FNDC1: variants seen among roughly 807,000 people sequenced by gnomAD.
FNDC1 encodes the protein fibronectin type III domain-containing protein 1.
A neutral mutation model predicts 168.0 loss-of-function variants in FNDC1; 96 were observed. That is an observed-to-expected ratio of 0.57 (90% confidence interval 0.48 to 0.68). FNDC1 has a LOEUF of 0.68. Ranked by LOEUF, FNDC1 falls within the 30% of genes least tolerant of loss-of-function variation. FNDC1 has a pLI of 0.00. For synonymous variants in FNDC1, 1,099 were observed against 1,025.9 expected (o/e 1.07, Z -1.36); for missense variants, 2,587 against 2,482.1 (o/e 1.04, Z -0.90).
In FNDC1 at chr6:159,232,556, C is replaced by G. The variant is rs1440002539; in HGVS notation, c.2044C>G (p.Arg682Gly). 1.2e-6 allele frequency: 2 copies of G among 1,611,782 alleles called. No individual in the cohort carries two copies. The highest frequency in any genetic ancestry group is 1.7e-6 in the Non-Finnish European group (2 of 1,179,000). ...PSRQSPSSVL[R>G]DRSSVHPGAK... ...CCGCCAGTCCCCGTCCAGCGTTCTC[C>G]GCGACAGAAGCTCTGTGCACCCCGG... Residue 682 changes from arginine (R) to glycine (G), a missense_variant, in exon 11 of 23, where the codon CGC becomes GGC. By Grantham distance (125) the Arg-to-Gly change is moderately radical (BLOSUM62 -2). Coordinates refer to ENST00000297267, the MANE Select transcript of FNDC1 (RefSeq NM_032532.3). The surrounding 1 kb of genome is among the most constrained non-coding windows in gnomAD (Gnocchi z 4.9).
At chr6:159,269,486 C>CCA (rs1777683828) in intron 22 of FNDC1, among the ~76,000 whole-genome samples, 1 of 142,668 alleles carries the variant, frequency 7.0e-6, no homozygotes. Context: ...ATCTATCTAT[C>CCA]TATCTATCTA....
At chr6:159,265,927 AAAAC>A (rs896951393) in intron 20 of FNDC1, among the ~76,000 whole-genome samples, 153 bp from the exon 21 acceptor site, 12 of 135,762 alleles carry the variant, frequency 8.8e-5, no homozygotes, top group Admixed American at 5.7e-4. Flanking sequence ...GACTCCATCA[AAAAC>A]AAACAAACAA....
chr6:159,235,485 G>A lies in FNDC1; in HGVS notation c.3968-730G>A, dbSNP rs551322334. On this transcript the variant is annotated intron_variant, in intron 11 of 22. Transcript: ENST00000297267. ...CTCAACGTTCCCTTGTATATAGCAG[G>A]AACTCCATAAATATTTAATAAATAA... Among the ~76,000 whole-genome samples, 43 of 152,190 alleles carry A rather than the reference G, an allele frequency of 2.8e-4. No individual in the cohort carries two copies. The South Asian group carries it at 8.9e-3, about 32-fold the overall frequency.
At chr6:159,227,102 C>T (rs1415213559) in intron 9 of FNDC1, among the ~76,000 whole-genome samples, 2 of 152,100 alleles carry the variant, frequency 1.3e-5, no homozygotes, top group African/African-American at 4.8e-5. Context: ...GCAAAAAAAC[C>T]TAGATATTTT....
intron 15 of FNDC1, among the ~76,000 whole-genome samples, chr6:159,248,548 C>T (rs1414687092): frequency 6.6e-6 from 1 of 152,142 alleles, no homozygotes; most frequent in Non-Finnish European, 1.5e-5. Flanking sequence ...TTGTGATCCG[C>T]CTGCCTCGGC....
rs1359511949 is a variant in FNDC1 at position 159,221,650 on chromosome 6, G to A, written c.720G>A (p.Arg240=). 6.2e-7 allele frequency: 1 copy of A among 1,613,896 alleles called. No individual in the cohort carries two copies. The highest frequency in any genetic ancestry group is 1.3e-5 in the African/African-American group (1 of 74,922). ...TGCAGTCCATGAACTCTCAGGGCCG[G>A]AGCCAACCAGTCTACAGGGCTGCCC... ...VSLQSMNSQG[R]SQPVYRAALT... Residue 240 remains arginine, a synonymous_variant, in exon 6 of 23, where the codon CGG becomes CGA. Transcript: ENST00000297267.
rs755673291 is a variant in FNDC1, at chr6:159,233,223, G to C, written c.2711G>C (p.Arg904Pro). 2.5e-6 allele frequency: 4 copies of C among 1,613,530 alleles called. No homozygotes were observed. The highest frequency in any genetic ancestry group is 3.3e-5 in the Admixed American group (2 of 59,964). ...TCCTCCTCCAGGCAGCCCATCTCCCGGGGCTGGGAGGACTTAAGGAGAAGC... is the reference window on the plus strand; with the variant it reads ...TCCTCCTCCAGGCAGCCCATCTCCCCGGGCTGGGAGGACTTAAGGAGAAGC... ...VPSSSRQPIS[R>P]GWEDLRRSPQ... The change falls in exon 11 of 23, where the codon CGG becomes CCG. Residue 904 changes from arginine (R) to proline (P), a missense_variant. Coordinates refer to ENST00000297267, the MANE Select transcript of FNDC1 (RefSeq NM_032532.3). This position sits in a 1 kb window ranked among gnomAD's most constrained non-coding sequence, Gnocchi z 4.6.
chr6:159,265,690 G>A (rs1286176836), intron 20 of FNDC1, among the ~76,000 whole-genome samples: 1 of 152,168 alleles, frequency 6.6e-6, no homozygotes, highest in Non-Finnish European at 1.5e-5. Flanking sequence ...AGCACTTTGG[G>A]AGGCCAAGGT....
At chr6:159,231,846 C>T in intron 10 of FNDC1, 36 bp from the exon 11 acceptor site, 1 of 1,539,760 alleles carries the variant, frequency 6.5e-7, no homozygotes, top group Non-Finnish European at 8.7e-7. Context: ...TTTTGAGTTT[C>T]TTCTTTGACA....
rs533142013 is a variant in FNDC1 at position 159,239,821 on chromosome 6, G to A, written c.4485G>A (p.Thr1495=). 1.8e-4 allele frequency: 277 copies of A among 1,546,206 alleles called. 1 individual carries two copies. The East Asian group carries it at 4.8e-3, about 27-fold the overall frequency. ...RRPTTTVRTT[T]RTTTTTTPTP... ...CAACAACCACAGTCCGAACCACTACGCGGACAACCACCACCACCACCCCCA... is the reference window on the plus strand; with the variant it reads ...CAACAACCACAGTCCGAACCACTACACGGACAACCACCACCACCACCCCCA... The change falls in exon 14 of 23, where the codon ACG becomes ACA. Residue 1495 remains threonine (T), a synonymous_variant. Transcript: ENST00000297267.
chr6:159,268,852 C>CTATA (rs1777648464), intron 22 of FNDC1, among the ~76,000 whole-genome samples: 3 of 78,244 alleles, frequency 3.8e-5, no homozygotes, highest in African/African-American at 1.1e-4. Context: ...ATCTATCTAT[C>CTATA]TATCTATCTA....
At chr6:159,246,296 A>C (rs1215977277) in intron 14 of FNDC1, among the ~76,000 whole-genome samples, 1 of 152,196 alleles carries the variant, frequency 6.6e-6, no homozygotes, top group Admixed American at 6.5e-5. Flanking sequence ...ACTCAGTAGG[A>C]AGTGGAGAAG....
intron 17 of FNDC1, 25 bp downstream of exon 17, chr6:159,251,557 T>C: frequency 6.3e-7 from 1 of 1,593,404 alleles, no homozygotes. Context: ...GAAATCAGAG[T>C]TCCCATGATC....
At chr6:159,264,301 G>T (rs568291467) in intron 19 of FNDC1, among the ~76,000 whole-genome samples, 3 of 152,290 alleles carry the variant, frequency 2.0e-5, no homozygotes, top group Admixed American at 6.5e-5. Context: ...AGATTAGTTT[G>T]CACTTTCTAG....
At chr6:159,218,085 T>C (rs1215498554) in intron 5 of FNDC1, among the ~76,000 whole-genome samples, 1 of 152,218 alleles carries the variant, frequency 6.6e-6, no homozygotes, top group African/African-American at 2.4e-5. Flanking sequence ...GAGCTTTGTT[T>C]CAACGGACAG....
Position 159,229,953 on chromosome 6 carries a change from G to A in FNDC1, c.1319G>A (p.Arg440Lys). 6.2e-7 allele frequency: 1 copy of A among 1,613,948 alleles called. No individual in the cohort carries two copies. The highest frequency in any genetic ancestry group is 1.7e-5 in the Admixed American group (1 of 60,006). Residue 440 changes from arginine (R) to lysine (K), a missense_variant, in exon 10 of 23, where the codon AGG becomes AAG. Physicochemically the swap from Arg to Lys is conservative, Grantham distance 26. Coordinates refer to ENST00000297267, the MANE Select transcript of FNDC1 (RefSeq NM_032532.3). ...CTTTTCAAAATCCGGGCCACAAACAGGAGAGGCCTGGGACCTCACTCCAAA... is the reference window on the plus strand; with the variant it reads ...CTTTTCAAAATCCGGGCCACAAACAAGAGAGGCCTGGGACCTCACTCCAAA... ...RYLFKIRATN[R>K]RGLGPHSKAF... is the part of the protein sequence containing the mutation.
At chr6:159,247,442 G>A (rs1583908872) in intron 15 of FNDC1, among the ~76,000 whole-genome samples, 1 of 152,052 alleles carries the variant, frequency 6.6e-6, no homozygotes, top group Non-Finnish European at 1.5e-5. Context: ...CTTTTCAAGG[G>A]TAGGTTTGTA....
chr6:159,261,260 A>G lies in FNDC1; in HGVS notation c.5245A>G (p.Thr1749Ala). 6.2e-7 allele frequency: 1 copy of G among 1,611,446 alleles called. No individual in the cohort carries two copies. Among genetic ancestry groups the G allele is most frequent in the East Asian group, 2.2e-5 (1 of 44,858 alleles). ...TATCAGCCCTTCGGTCTCATTTGTC[A>G]CCGAATCAGGTATGAATGACTTCAC... is the stretch of plus-strand genomic sequence containing the variant. ...GPISPSVSFV[T>A]ESDNPLLVVR... The change falls in exon 19 of 23, where the codon ACC (threonine) becomes GCC (alanine). Residue 1749 changes from threonine to alanine, a missense_variant. Thr to Ala is a moderately conservative substitution (Grantham distance 58). Transcript: ENST00000297267.
At chr6:159,222,984 ATTTTTTTTTTTTTTTTTTT>A (rs201310702) in intron 6 of FNDC1, among the ~76,000 whole-genome samples, 57,594 of 118,356 alleles carry the variant, frequency 0.49, 14,241 homozygotes, top group East Asian at 0.75. Flanking sequence ...TGAAATACTC[ATTTTTTTTTTTTTTTTTTT>A]TTTTTTTTTG....
Sources: gnomAD v4.1 joint callset for allele counts (sites outside exome capture counted in the v4.1 genomes callset) on GRCh38, gnomAD v4.1.1 for gene constraint, Gnocchi (gnomAD v3.1) non-coding constraint, MANE v1.5 for transcripts, NCBI Gene and HGNC (gene_info 2026-07-23, HGNC 2026-07-21) for gene names.